Variants in ADAMTS17 observed in about 807,000 individuals in gnomAD.
ADAMTS17 encodes the protein A disintegrin and metalloproteinase with thrombospondin motifs 17.
ADAMTS17 carries 113 observed loss-of-function variants against 141.5 expected under a neutral mutation model. The ratio of observed to expected loss-of-function variants is 0.80; its 90% CI spans 0.69 to 0.93. The LOEUF is 0.93. Among genes scored for constraint, ADAMTS17 ranks in the 40% least tolerant of loss-of-function variants. The pLI is 0.00. For missense variants in ADAMTS17, 1,659 were observed against 1,517.9 expected (o/e 1.09, Z -1.54); for synonymous variants, 768 against 630.6 (o/e 1.22, Z -3.27).
At position 99,974,533 on chromosome 15, in the gene ADAMTS17, G is replaced by C. The variant is rs770889652; in HGVS notation, c.3157C>G (p.Gln1053Glu). The change falls in exon 22 of 22, where the codon CAG becomes GAG. Residue 1053 changes from glutamine (Q) to glutamate (E), a missense_variant. Physicochemically the swap from Gln to Glu is conservative, Grantham distance 29. Coordinates refer to ENST00000268070, the MANE Select transcript of ADAMTS17 (RefSeq NM_139057.4). ...ATGACCCGGCAATATACCGTCCACT[G>C]GTCTCGTGTGCATTTGTAGGTCAGA... is the stretch of plus-strand genomic sequence containing the variant. Reference protein sequence around the residue: ...AALTYKCTRDQWTVYCRVIRE... With the variant: ...AALTYKCTRDEWTVYCRVIRE... 1 of 1,614,258 alleles carries C rather than the reference G, an allele frequency of 6.2e-7. No homozygotes were observed. Among genetic ancestry groups the C allele is most frequent in the Non-Finnish European group, 8.5e-7 (1 of 1,180,042 alleles).
intron 4 of ADAMTS17, among the ~76,000 whole-genome samples, chr15:100,275,199 G>T (rs75961511): frequency 6.6e-6 from 1 of 152,116 alleles, no homozygotes; most frequent in Non-Finnish European, 1.5e-5. Context: ...GACAAAGACA[G>T]TAAGTCAAGT....
chr15:100,222,866 G>T (rs569293477), intron 7 of ADAMTS17, among the ~76,000 whole-genome samples: 1 of 147,944 alleles, frequency 6.8e-6, no homozygotes, highest in East Asian at 1.9e-4. Context: ...GAAGCCTAAG[G>T]GGGAGGCAGG....
At chr15:100,293,809 T>C (rs1034315668) in intron 3 of ADAMTS17, among the ~76,000 whole-genome samples, 2 of 152,248 alleles carry the variant, frequency 1.3e-5, no homozygotes, top group African/African-American at 4.8e-5. Context: ...AGTAATTCAA[T>C]AGGCATAGTT....
At chr15:100,202,251 C>T (rs1276323719) in intron 7 of ADAMTS17, among the ~76,000 whole-genome samples, 1 of 152,206 alleles carries the variant, frequency 6.6e-6, no homozygotes, top group African/African-American at 2.4e-5. Flanking sequence ...GCTAGTGGAA[C>T]AGTGAAGCAA....
At chr15:100,052,352 G>A (rs2032212339) in intron 16 of ADAMTS17, among the ~76,000 whole-genome samples, 1 of 152,112 alleles carries the variant, frequency 6.6e-6, no homozygotes, top group African/African-American at 2.4e-5. Context: ...GAGGCAAAGG[G>A]GCACCTCTCA....
At chr15:99,976,869 C>T (rs1360161596) in intron 20 of ADAMTS17, among the ~76,000 whole-genome samples, 1 of 152,216 alleles carries the variant, frequency 6.6e-6, no homozygotes, top group African/African-American at 2.4e-5. Context: ...GTTAAGACAA[C>T]AGCTGAAATA....
chr15:100,116,938 C>G lies in ADAMTS17; in HGVS notation c.1797G>C (p.Lys599Asn). Residue 599 changes from lysine to asparagine, a missense_variant, in exon 13 of 22, where the codon AAG becomes AAC. Physicochemically the swap from Lys to Asn is moderately conservative, Grantham distance 94 (BLOSUM62 0). Transcript: ENST00000268070. ...GCTGGTCCCGGAAGCTGGGCAGACC[C>G]TTGGGGCAGGGCAGGTTCTCGCAGA... ...HAVCENLPCPKGLPSFRDQQC... is the reference protein window; with the variant it reads ...HAVCENLPCPNGLPSFRDQQC... 1 of 1,614,148 alleles carries G rather than the reference C, an allele frequency of 6.2e-7. No homozygotes were observed. Among genetic ancestry groups the G allele is most frequent in the Non-Finnish European group, 8.5e-7 (1 of 1,180,032 alleles).
chr15:100,268,355 A>G (rs1233043522), intron 4 of ADAMTS17, among the ~76,000 whole-genome samples: 2 of 152,170 alleles, frequency 1.3e-5, no homozygotes, highest in Non-Finnish European at 1.5e-5. Flanking sequence ...TTCTGTCTTG[A>G]GTTCTCTGAG....
intron 15 of ADAMTS17, among the ~76,000 whole-genome samples, chr15:100,081,092 C>T (rs2034704326): frequency 6.6e-6 from 1 of 152,170 alleles, no homozygotes; most frequent in Admixed American, 6.5e-5. Flanking sequence ...CTGGGGAAGG[C>T]AGATCCACCC....
At chr15:100,095,652 C>T (rs78247994) in intron 15 of ADAMTS17, among the ~76,000 whole-genome samples, 6,715 of 152,312 alleles carry the variant, frequency 0.044, 176 homozygotes, top group Middle Eastern at 0.085. Flanking sequence ...TTGCCTGCCT[C>T]GTGCTCCCCT....
chr15:100,099,903 G>A (rs989911440), intron 14 of ADAMTS17, among the ~76,000 whole-genome samples: 1 of 152,168 alleles, frequency 6.6e-6, no homozygotes. Flanking sequence ...AGTGGCAAAT[G>A]TCCATCTTTA....
intron 3 of ADAMTS17, among the ~76,000 whole-genome samples, chr15:100,286,953 G>T (rs1292351125): frequency 6.6e-6 from 1 of 152,224 alleles, no homozygotes; most frequent in African/African-American, 2.4e-5. Context: ...ACTTTGCAAG[G>T]CCGAAGTGGG....
chr15:100,080,880 G>A (rs1042099704), intron 15 of ADAMTS17, among the ~76,000 whole-genome samples: 3 of 152,132 alleles, frequency 2.0e-5, no homozygotes, highest in African/African-American at 7.2e-5. Flanking sequence ...AGTATGTTAG[G>A]GGTAATTATG....
chr15:100,088,893 A>G (rs2035274513), intron 15 of ADAMTS17, among the ~76,000 whole-genome samples: 1 of 152,198 alleles, frequency 6.6e-6, no homozygotes, highest in African/African-American at 2.4e-5. Flanking sequence ...ACCCTAGAAG[A>G]AAACCTAGTC....
chr15:100,277,554 T>C (rs1452161689), intron 4 of ADAMTS17, among the ~76,000 whole-genome samples: 1 of 152,182 alleles, frequency 6.6e-6, no homozygotes, highest in Non-Finnish European at 1.5e-5. Context: ...GATAAAATAA[T>C]CTGCAGATGA....
intron 7 of ADAMTS17, among the ~76,000 whole-genome samples, chr15:100,207,206 C>A (rs2041607263): frequency 6.6e-6 from 1 of 152,122 alleles, no homozygotes; most frequent in African/African-American, 2.4e-5. Context: ...TTTCTCCCTC[C>A]CTCCCTCTTT....
chr15:100,301,831 G>C (rs565708651), intron 3 of ADAMTS17, among the ~76,000 whole-genome samples: 7 of 151,914 alleles, frequency 4.6e-5, no homozygotes, highest in Non-Finnish European at 8.8e-5. Context: ...CTTCTGATTT[G>C]TCAACATTTC....
Position 100,243,829 on chromosome 15 carries a change from G to GAAACA in ADAMTS17, c.1075+10302_1075+10306dup, listed in dbSNP as rs1311577305. Among the ~76,000 whole-genome samples, 172 of 72,948 alleles carry GAAACA rather than the reference G, an allele frequency of 2.4e-3. 2 individuals are homozygous for GAAACA. The highest frequency in any genetic ancestry group is 7.6e-3 in the African/African-American group (152 of 20,106). 47.9% of individuals were successfully genotyped at this position (72,948 alleles called of 152,430 possible). On this transcript the variant is annotated intron_variant, in intron 7 of 21. Transcript: ENST00000268070. Reference sequence around the variant, plus strand: ...GAAAGAAAAGAAAAAGAAATGAAATGAAACAAAACAAAATGAAAGTGGTCA... The same window carrying GAAACA: ...GAAAGAAAAGAAAAAGAAATGAAATGAAACAAAACAAAACAAAATGAAAGTGGTCA...
chr15:100,234,882 T>C (rs1443449348), intron 7 of ADAMTS17, among the ~76,000 whole-genome samples: 1 of 152,230 alleles, frequency 6.6e-6, no homozygotes, highest in African/African-American at 2.4e-5. Context: ...CTGTTTGATT[T>C]TGTAACCACG....
Sources: gnomAD v4.1 joint callset for allele counts (sites outside exome capture counted in the v4.1 genomes callset) on GRCh38, gnomAD v4.1.1 for gene constraint, MANE v1.5 for transcripts, NCBI Gene and HGNC (gene_info 2026-07-23, HGNC 2026-07-21) for gene names.